WNT9B: variants seen among roughly 807,000 people sequenced by gnomAD.
The protein encoded by WNT9B is Wnt family member 9B.
In WNT9B, 12 loss-of-function variants were observed where a neutral mutation model predicts 30.2. The observed-to-expected ratio is 0.40, with a 90% CI of 0.26 to 0.64. The LOEUF is 0.64. Ranked by LOEUF, WNT9B falls within the 30% of genes least tolerant of loss-of-function variation. The pLI is 0.42. For missense variants in WNT9B, 442 were observed against 485.2 expected, an observed-to-expected ratio of 0.91 and a Z score of 0.84; for synonymous variants, 218 against 216.9, an observed-to-expected ratio of 1.01 and a Z score of -0.05.
At chr17:46,841,102 G>C (rs371423351) in intron 1 of WNT9B, among the ~76,000 whole-genome samples, 2 of 152,196 alleles carry the variant, frequency 1.3e-5, no homozygotes, top group African/African-American at 2.4e-5. Context: ...AGGAAAGAGG[G>C]TGCCGACAGA....
chr17:46,874,062 G>C (rs187512317), intron 2 of WNT9B, among the ~76,000 whole-genome samples: 1 of 151,780 alleles, frequency 6.6e-6, no homozygotes, highest in Non-Finnish European at 1.5e-5. Flanking sequence ...TGCTCTCCAC[G>C]GTCTGCAGCC....
chr17:46,839,982 T>TC (rs1229878940), intron 1 of WNT9B, among the ~76,000 whole-genome samples: 142 of 140,358 alleles, frequency 1.0e-3, no homozygotes, highest in Non-Finnish European at 1.8e-3. Context: ...CTTTCTCTTC[T>TC]TTCTTTCTTT....
intron 1 of WNT9B, among the ~76,000 whole-genome samples, chr17:46,845,486 T>A (rs2084765199): frequency 1.1e-5 from 1 of 88,726 alleles, no homozygotes; most frequent in Non-Finnish European, 2.2e-5. Context: ...GTTATCTGAA[T>A]TTTTTTTTTT....
At position 46,878,871 on chromosome 17, in the gene WNT9B, C is replaced by T. The variant is rs2085385672; in HGVS notation, c.*2153C>T. Among the ~76,000 whole-genome samples the T allele has an allele frequency of 6.6e-6, 1 of 152,208 alleles. No individual in the cohort carries two copies. The highest frequency in any genetic ancestry group is 1.5e-5 in the Non-Finnish European group (1 of 68,038). On this transcript the variant is annotated 3_prime_UTR_variant, in exon 4 of 4. Transcript: ENST00000290015. ...GGCTGCTAACATGGACACCCCAAGTCAATGGCACAGTGCAGGTTCTGAGGG... is the reference window on the plus strand; with the variant it reads ...GGCTGCTAACATGGACACCCCAAGTTAATGGCACAGTGCAGGTTCTGAGGG...
At chr17:46,847,656 T>G (rs1445556004), upstream of WNT9B, among the ~76,000 whole-genome samples, 8 of 152,170 alleles carry the variant, frequency 5.3e-5, no homozygotes, top group Non-Finnish European at 1.2e-4. Flanking sequence ...CAGGTCAGCA[T>G]GGGCACCTTC....
intron 1 of WNT9B, among the ~76,000 whole-genome samples, chr17:46,840,011 C>CT (rs1259217136): frequency 1.2e-5 from 1 of 82,940 alleles, no homozygotes; most frequent in African/African-American, 5.2e-5. Flanking sequence ...TTCTTTCTTT[C>CT]TTTCTTTCTT....
intron 1 of WNT9B, among the ~76,000 whole-genome samples, chr17:46,864,332 C>T (rs2085096423): frequency 6.6e-6 from 1 of 152,222 alleles, no homozygotes; most frequent in Non-Finnish European, 1.5e-5. Context: ...CACATCCCCA[C>T]ACCAAGCTCC....
intron 1 of WNT9B, among the ~76,000 whole-genome samples, chr17:46,864,765 C>T (rs376901772): frequency 7.9e-5 from 12 of 152,292 alleles, no homozygotes; most frequent in African/African-American, 2.9e-4. Flanking sequence ...AGACCCAGCC[C>T]TGCTACCAAG....
chr17:46,859,767 A>G (rs1203713352), intron 1 of WNT9B, among the ~76,000 whole-genome samples: 1 of 152,174 alleles, frequency 6.6e-6, no homozygotes, highest in Non-Finnish European at 1.5e-5. Context: ...CATTGAATCT[A>G]TACATCAGTT....
chr17:46,849,919 C>G (rs996461696), upstream of WNT9B, among the ~76,000 whole-genome samples: 2 of 149,462 alleles, frequency 1.3e-5, no homozygotes, highest in African/African-American at 5.0e-5. Context: ...GTGATTTCGG[C>G]TCACTGCAAC....
chr17:46,866,754 G>C (rs1003319810), intron 1 of WNT9B, among the ~76,000 whole-genome samples: 2 of 152,084 alleles, frequency 1.3e-5, no homozygotes, highest in African/African-American at 2.4e-5. Context: ...GGCATTACCT[G>C]GTGCCCTAGA....
chr17:46,872,418 A>G (rs2085263161), intron 1 of WNT9B, 99 bp from the exon 2 acceptor site: 1 of 1,386,060 alleles, frequency 7.2e-7, no homozygotes, highest in Non-Finnish European at 9.4e-7. Flanking sequence ...GCTGCCCAGA[A>G]GGGCAGTAAA....
chr17:46,860,578 T>C (rs909501131), intron 1 of WNT9B, among the ~76,000 whole-genome samples: 1 of 152,236 alleles, frequency 6.6e-6, no homozygotes, highest in African/African-American at 2.4e-5. Context: ...CTTAGGCTTG[T>C]TGTAAGAGTT....
At chr17:46,875,755 T>C (rs2085334464) in intron 3 of WNT9B, among the ~76,000 whole-genome samples, 1 of 152,168 alleles carries the variant, frequency 6.6e-6, no homozygotes, top group Non-Finnish European at 1.5e-5. Flanking sequence ...AACTGCCCAC[T>C]TCTCCATTTT....
At chr17:46,847,440 T>C (rs2084788917), upstream of WNT9B, among the ~76,000 whole-genome samples, 1 of 152,230 alleles carries the variant, frequency 6.6e-6, no homozygotes, top group African/African-American at 2.4e-5. Context: ...TAGTGCAATG[T>C]TGCAAGGGCA....
intron 1 of WNT9B, among the ~76,000 whole-genome samples, chr17:46,871,795 T>C (rs2085248589): frequency 6.6e-6 from 1 of 152,234 alleles, no homozygotes; most frequent in Admixed American, 6.5e-5. Flanking sequence ...GGAATTCAGC[T>C]CCTTCACCTT....
At chr17:46,883,203 T>G (rs537135574), downstream of WNT9B, among the ~76,000 whole-genome samples, 3 of 151,844 alleles carry the variant, frequency 2.0e-5, no homozygotes, top group Non-Finnish European at 4.4e-5. Flanking sequence ...AGGATGGTCT[T>G]GATCTCCTGA....
At chr17:46,880,923 G>A (rs946439377), downstream of WNT9B, among the ~76,000 whole-genome samples, 1 of 152,204 alleles carries the variant, frequency 6.6e-6, no homozygotes, top group African/African-American at 2.4e-5. Flanking sequence ...ATGGCTCAGG[G>A]TGGGGCGGGA....
Position 46,872,573 on chromosome 17 carries a change from C to G in WNT9B, c.134C>G (p.Pro45Arg), listed in dbSNP as rs530502749. Residue 45 changes from proline to arginine, a missense_variant, in exon 2 of 4, where the codon CCG becomes CGG. Transcript: ENST00000290015. ...CCAGGATTGGGCACTGCGGCAGCCC[C>G]GGCACAGGGCGGGGCCCACCTGAAG... ...PFPGLGTAAA[P>R]AQGGAHLKQC... The G allele has an allele frequency of 6.3e-7, 1 of 1,599,336 alleles. No individual in the cohort carries two copies. The highest frequency in any genetic ancestry group is 1.3e-5 in the African/African-American group (1 of 74,666).
Sources: gnomAD v4.1 joint callset for allele counts (sites outside exome capture counted in the v4.1 genomes callset) on GRCh38, gnomAD v4.1.1 for gene constraint, MANE v1.5 for transcripts, NCBI Gene and HGNC (gene_info 2026-07-23, HGNC 2026-07-21) for gene names.